The following RNFT1 variants were observed in gnomAD, a reference collection of about 807,000 sequenced individuals.
The protein encoded by RNFT1 is ring finger protein, transmembrane 1.
RNFT1 carries 35 observed loss-of-function variants against 53.2 expected under a neutral mutation model. That is an observed-to-expected ratio of 0.66 (90% CI 0.50 to 0.87). The LOEUF is 0.87. Among genes scored for constraint, RNFT1 ranks in the 40% least tolerant of loss-of-function variants. The probability of loss-of-function intolerance (pLI) is 0.00; values close to 1 mark genes in which losing one functional copy is unlikely to be tolerated. For missense variants in RNFT1, 421 were observed against 515.0 expected (o/e 0.82, Z 1.77); for synonymous variants, 141 against 172.8 (o/e 0.82, Z 1.44).
intron 3 of RNFT1, among the ~76,000 whole-genome samples, chr17:59,960,871 C>G (rs1372765422): frequency 6.6e-6 from 1 of 151,954 alleles, no homozygotes; most frequent in Non-Finnish European, 1.5e-5. Context: ...AACCTTGACT[C>G]ACTTGTCAAG....
Position 59,952,872 on chromosome 17 carries a change from T to C in RNFT1, c.*105A>G. The C allele has an allele frequency of 9.1e-7, 1 of 1,095,512 alleles. No individual in the cohort carries two copies. Among genetic ancestry groups the C allele is most frequent in the East Asian group, 2.4e-5 (1 of 41,170 alleles). The allele number at this position is 1,095,512 out of a possible 1,614,324, so 67.9% of individuals were successfully genotyped here. A position where few individuals can be genotyped will look rare whatever the true frequency, so the allele number is the denominator to read the frequency against. Reference sequence around the variant, plus strand: ...ATAAGTCCTACATTCTAAAACCATCTGGAAACATTTTTCTGGTAGCCCTGA... The same window carrying C: ...ATAAGTCCTACATTCTAAAACCATCCGGAAACATTTTTCTGGTAGCCCTGA... On this transcript the variant is annotated 3_prime_UTR_variant, in exon 9 of 9. Coordinates refer to ENST00000305783, the MANE Select transcript of RNFT1 (RefSeq NM_016125.4).
chr17:59,956,026 TCTG>T (rs1348156894), intron 7 of RNFT1, among the ~76,000 whole-genome samples: 1 of 152,168 alleles, frequency 6.6e-6, no homozygotes, highest in Non-Finnish European at 1.5e-5. Context: ...AATGGGGAAA[TCTG>T]CTCCAGTAAG....
intron 4 of RNFT1, chr17:59,958,812 ACTCC>A: frequency 2.9e-6 from 1 of 349,172 alleles, no homozygotes; most frequent in Non-Finnish European, 5.5e-6. Flanking sequence ...AAGATCATCA[ACTCC>A]CTCTGTATGG....
rs775007562 is a variant in RNFT1 at position 59,953,025 on chromosome 17, T to G, written c.1260A>C (p.Ile420=). The change falls in exon 9 of 9, where the codon ATA becomes ATC. Residue 420 remains isoleucine (I), a synonymous_variant. Coordinates refer to ENST00000305783, the MANE Select transcript of RNFT1 (RefSeq NM_016125.4). ...AAGTGGCTCCATCCTTCCATTTGTT[T>G]ATATGGTCTGAAATCACAGTTCTGC... ...PLCRTVISDH[I]NKWKDGATSS... 6.2e-7 allele frequency: 1 copy of G among 1,613,622 alleles called. No homozygotes were observed. Among genetic ancestry groups the G allele is most frequent in the Non-Finnish European group, 8.5e-7 (1 of 1,179,636 alleles).
At chr17:59,961,600 T>TG (rs1193146707) in intron 3 of RNFT1, among the ~76,000 whole-genome samples, 1 of 151,946 alleles carries the variant, frequency 6.6e-6, no homozygotes, top group African/African-American at 2.4e-5. Flanking sequence ...TTTTTTGAGA[T>TG]GGAGTCTCAC....
intron 8 of RNFT1, among the ~76,000 whole-genome samples, chr17:59,953,678 A>G (rs2045235842): frequency 6.6e-6 from 1 of 152,226 alleles, no homozygotes; most frequent in African/African-American, 2.4e-5. Context: ...ATTAAGTATG[A>G]TAACTGCTTA....
intron 7 of RNFT1, 73 bp from the exon 8 acceptor site, chr17:59,954,219 T>C: frequency 1.0e-6 from 1 of 1,000,244 alleles, no homozygotes; most frequent in Non-Finnish European, 1.5e-6. Context: ...TAAGTAATGC[T>C]GTACTTCTCA....
chr17:59,962,490 A>G (rs972877921), intron 3 of RNFT1, 50 bp downstream of exon 3: 1 of 1,200,324 alleles, frequency 8.3e-7, no homozygotes, highest in African/African-American at 1.5e-5. Flanking sequence ...TTTCTCTAAA[A>G]TCTATGGAGA....
rs773378191 is a variant in RNFT1 at position 59,956,516 on chromosome 17, T to C, written c.1043A>G (p.Gln348Arg). The C allele has an allele frequency of 4.3e-6, 7 of 1,612,634 alleles. No individual in the cohort carries two copies. The highest frequency in any genetic ancestry group is 5.9e-6 in the Non-Finnish European group (7 of 1,179,242). Reference sequence around the variant, plus strand: ...TTGTGTAAAAAATATTCGTAAAACCTGTCTGAAAGTTCTCAGATGCCCAAA... The same window carrying C: ...TTGTGTAAAAAATATTCGTAAAACCCGTCTGAAAGTTCTCAGATGCCCAAA... Reference protein sequence around the residue: ...EFFGHLRTFRQVLRIFFTQPS... With the variant: ...EFFGHLRTFRRVLRIFFTQPS... The change falls in exon 7 of 9, where the codon CAG becomes CGG. Residue 348 changes from glutamine to arginine, a missense_variant. By Grantham distance (43) the Gln-to-Arg change is conservative. Coordinates refer to ENST00000305783, the MANE Select transcript of RNFT1 (RefSeq NM_016125.4).
At chr17:59,953,838 T>C in intron 8 of RNFT1, 1 of 407,078 alleles carries the variant, frequency 2.5e-6, no homozygotes, top group East Asian at 4.6e-5. Flanking sequence ...AGTTGAATTA[T>C]TTTTTCCCCT....
intron 3 of RNFT1, 171 bp downstream of exon 3, chr17:59,962,369 G>C: frequency 1.8e-6 from 1 of 551,314 alleles, no homozygotes; most frequent in East Asian, 3.0e-5. Context: ...AGCATTAGGA[G>C]AGATAATTTA....
At chr17:59,964,086 C>G (rs1266471459) in intron 1 of RNFT1, among the ~76,000 whole-genome samples, 2 of 152,076 alleles carry the variant, frequency 1.3e-5, no homozygotes, top group African/African-American at 4.8e-5. Context: ...AAAGATCTCT[C>G]TAATAAATGA....
At chr17:59,956,595 C>G in intron 6 of RNFT1, 42 bp from the exon 7 acceptor site, 1 of 1,516,136 alleles carries the variant, frequency 6.6e-7, no homozygotes, top group Middle Eastern at 1.7e-4. Context: ...TTCAAACAGT[C>G]CTATTTGCTA....
chr17:59,963,718 T>C lies in RNFT1; in HGVS notation c.57-434A>G, dbSNP rs75460876. 3.2e-4 allele frequency among the ~76,000 whole-genome samples: 48 copies of C among 151,762 alleles called. No individual in the cohort carries two copies. The East Asian group carries it at 9.3e-3, about 29-fold the overall frequency. On this transcript the variant is annotated intron_variant, in intron 1 of 8. Transcript: ENST00000305783. ...AGAGTGAGCCAGTATTTTTTAATGG[T>C]TGGAAATGTTAGGAAAAAAAACAAC...
chr17:59,953,194 T>A (rs1004935614), intron 8 of RNFT1, 83 bp from the exon 9 acceptor site: 5 of 1,037,226 alleles, frequency 4.8e-6, no homozygotes, highest in Non-Finnish European at 6.7e-6. Context: ...GGGATTCTTT[T>A]TTTTTTTTTT....
At chr17:59,961,016 A>G (rs1405592793) in intron 3 of RNFT1, among the ~76,000 whole-genome samples, 2 of 151,108 alleles carry the variant, frequency 1.3e-5, no homozygotes, top group East Asian at 3.9e-4. Flanking sequence ...TCAGCCTCCC[A>G]AGTAGTTGTA....
rs758664977 is a variant in RNFT1 at position 59,964,642 on chromosome 17, G to C, written c.22C>G (p.Leu8Val). 8 of 1,608,578 alleles carry C rather than the reference G, an allele frequency of 5.0e-6. No individual in the cohort carries two copies. Among genetic ancestry groups the C allele is most frequent in the Admixed American group, 1.7e-5 (1 of 59,456 alleles). Residue 8 changes from leucine (L) to valine (V), a missense_variant, in exon 1 of 9, where the codon CTC (leucine) becomes GTC (valine). Transcript: ENST00000305783. MPLFLLS[L>V]PTPPSASGHE... ...CCAGAAGCGGACGGAGGTGTCGGGA[G>C]CGACAGCAAGAACAGCGGCATACAC...
chr17:59,954,794 G>A (rs1026943124), intron 7 of RNFT1, among the ~76,000 whole-genome samples: 2 of 152,124 alleles, frequency 1.3e-5, no homozygotes, highest in Non-Finnish European at 2.9e-5. Context: ...AAAGTTTTAC[G>A]GAGAAACTGC....
intron 7 of RNFT1, among the ~76,000 whole-genome samples, chr17:59,956,180 A>G (rs1260432597): frequency 6.6e-6 from 1 of 152,228 alleles, no homozygotes; most frequent in Non-Finnish European, 1.5e-5. Flanking sequence ...ACACAATTTC[A>G]TAAGATTGTT....
Sources: gnomAD v4.1 joint callset for allele counts (sites outside exome capture counted in the v4.1 genomes callset) on GRCh38, gnomAD v4.1.1 for gene constraint, MANE v1.5 for transcripts, NCBI Gene and HGNC (gene_info 2026-07-23, HGNC 2026-07-21) for gene names.